The following COL1A2 variants were observed in gnomAD, a reference collection of about 807,000 sequenced individuals.
The protein encoded by COL1A2 is collagen type I alpha 2 chain, also known as collagen alpha-2(I) chain.
A neutral mutation model predicts 174.3 loss-of-function variants in COL1A2; 49 were observed. The observed-to-expected ratio is 0.28, with a 90% CI of 0.22 to 0.36. The LOEUF is 0.36. COL1A2 is among the 10% of genes least tolerant of loss of function. The pLI is 1.00. For missense variants in COL1A2, 1,438 were observed against 1,822.7 expected, an observed-to-expected ratio of 0.79 and a Z score of 3.84; for synonymous variants, 655 against 606.6, an observed-to-expected ratio of 1.08 and a Z score of -1.17.
At chr7:94,424,983 A>G in intron 41 of COL1A2, 134 bp from the exon 42 acceptor site, 1 of 756,990 alleles carries the variant, frequency 1.3e-6, no homozygotes, top group Non-Finnish European at 2.3e-6. Flanking sequence ...ACTTCTTACC[A>G]TTGTGTGACC....
At chr7:94,416,307 C>T (rs1429883542) in intron 30 of COL1A2, 98 bp from the exon 31 acceptor site, 1 of 1,059,332 alleles carries the variant, frequency 9.4e-7, no homozygotes, top group Non-Finnish European at 1.4e-6. Context: ...AAATGCAAAC[C>T]AGGGCTCGGA....
At chr7:94,400,933 A>C (rs1791677115) in intron 5 of COL1A2, among the ~76,000 whole-genome samples, 1 of 152,216 alleles carries the variant, frequency 6.6e-6, no homozygotes, top group African/African-American at 2.4e-5. Context: ...CAAAGATCTT[A>C]TTATGATTGC....
intron 11 of COL1A2, among the ~76,000 whole-genome samples, 156 bp from the exon 12 acceptor site, chr7:94,406,094 A>G (rs1791789055): frequency 6.6e-6 from 1 of 152,238 alleles, no homozygotes; most frequent in Non-Finnish European, 1.5e-5. Context: ...CTAGGGCAAT[A>G]GACTGAGTTT....
rs778065676 is a variant in COL1A2 at position 94,414,274 on chromosome 7, G to C, written c.1718G>C (p.Arg573Thr). The change falls in exon 29 of 52, where the codon AGG (arginine) becomes ACG (threonine). Residue 573 changes from arginine to threonine, a missense_variant and splice_region_variant. Transcript: ENST00000297268. The stretch of plus-strand genomic sequence containing the variant: ...GGTGAAGTTGGCAAACCAGGAGAAA[G>C]GGTGAGTAAAACAAGTAATAGTAAG... ...PAGEVGKPGE[R>T]GLHGEFGLPG... 1.2e-6 allele frequency: 2 copies of C among 1,614,064 alleles called. No individual in the cohort carries two copies. Among genetic ancestry groups the C allele is most frequent in the South Asian group, 1.1e-5 (1 of 91,074 alleles).
Position 94,427,032 on chromosome 7 carries a change from C to T in COL1A2, c.3130C>T (p.Pro1044Ser), listed in dbSNP as rs1403102626. Residue 1044 changes from proline to serine, a missense_variant, in exon 47 of 52, where the codon CCT becomes TCT. Pro to Ser is a moderately conservative substitution (Grantham distance 74, BLOSUM62 -1). Coordinates refer to ENST00000297268, the MANE Select transcript of COL1A2 (RefSeq NM_000089.4). The stretch of plus-strand genomic sequence containing the variant: ...GGGTCACCATGGTGATCAAGGTGCT[C>T]CTGGCTCCGTGGGTCCTGCTGGTCC... ...IAGHHGDQGA[P>S]GSVGPAGPRG... 13 of 1,614,036 alleles carry T rather than the reference C, an allele frequency of 8.1e-6. No individual in the cohort carries two copies. The highest frequency in any genetic ancestry group is 2.2e-5 in the East Asian group (1 of 44,878).
chr7:94,404,432 G>A lies in COL1A2; in HGVS notation c.280-124G>A, dbSNP rs1040085313. ...GTTTGAGTCCTTAAATTCTTCCTTGGGAGGAATAAAAACTATGGAATCAAA... is the reference window on the plus strand; with the variant it reads ...GTTTGAGTCCTTAAATTCTTCCTTGAGAGGAATAAAAACTATGGAATCAAA... On this transcript the variant is annotated intron_variant, in intron 6 of 51. Coordinates refer to ENST00000297268, the MANE Select transcript of COL1A2 (RefSeq NM_000089.4). The A allele has an allele frequency of 1.9e-5, 19 of 1,009,884 alleles. No individual in the cohort carries two copies. In the Admixed American group the frequency reaches 3.3e-4, roughly 18 times the overall value. 62.6% of individuals were successfully genotyped at this position (1,009,884 alleles called of 1,614,324 possible).
In COL1A2 at chr7:94,413,122, C is replaced by G. The variant is rs775604516; in HGVS notation, c.1543C>G (p.Leu515Val). ...GKNGDKGHAG[L>V]AGARGAPGPD... ...AAACGGTGATAAAGGTCATGCTGGT[C>G]TTGCTGGTGCTCGGGTAGGTGCTAA... Residue 515 changes from leucine (L) to valine (V), a missense_variant, in exon 26 of 52, where the codon CTT becomes GTT. Physicochemically the swap from Leu to Val is conservative, Grantham distance 32 (BLOSUM62 1). Coordinates refer to ENST00000297268, the MANE Select transcript of COL1A2 (RefSeq NM_000089.4). The G allele has an allele frequency of 6.2e-7, 1 of 1,614,020 alleles. No homozygotes were observed. Among genetic ancestry groups the G allele is most frequent in the Non-Finnish European group, 8.5e-7 (1 of 1,180,022 alleles).
chr7:94,410,737 C>A, intron 21 of COL1A2, 152 bp from the exon 22 acceptor site: 1 of 939,328 alleles, frequency 1.1e-6, no homozygotes, highest in Non-Finnish European at 1.7e-6. Context: ...GGATGCTCAT[C>A]TATGAATTCC....
intron 10 of COL1A2, 23 bp downstream of exon 10, chr7:94,405,275 A>T: frequency 5.6e-6 from 9 of 1,611,522 alleles, no homozygotes; most frequent in Non-Finnish European, 6.8e-6. Flanking sequence ...ACATTGGTAG[A>T]TAGCACAAAC....
In COL1A2 at chr7:94,426,071, T is replaced by A; in HGVS notation, c.2997+20T>A. On this transcript the variant is annotated intron_variant, in intron 45 of 51. Coordinates refer to ENST00000297268, the MANE Select transcript of COL1A2 (RefSeq NM_000089.4). Reference sequence around the variant, plus strand: ...CCTAGTGTATGTACATGCTGAAGATTTCTTTGCAACACTAACATTTAGAGA... The same window carrying A: ...CCTAGTGTATGTACATGCTGAAGATATCTTTGCAACACTAACATTTAGAGA... The A allele has an allele frequency of 6.2e-7, 1 of 1,608,350 alleles. No individual in the cohort carries two copies. Among genetic ancestry groups the A allele is most frequent in the South Asian group, 1.1e-5 (1 of 90,960 alleles).
intron 4 of COL1A2, among the ~76,000 whole-genome samples, chr7:94,399,708 C>A (rs1791649012): frequency 6.6e-6 from 1 of 152,088 alleles, no homozygotes; most frequent in Non-Finnish European, 1.5e-5. Flanking sequence ...ATTATTTTAA[C>A]AATACAAGTA....
chr7:94,404,719 T>A lies in COL1A2; in HGVS notation c.351T>A (p.Ala117=), dbSNP rs763417626. 6.2e-6 allele frequency: 10 copies of A among 1,614,080 alleles called. No individual in the cohort carries two copies. The South Asian group carries it at 1.1e-4, about 18-fold the overall frequency. Residue 117 remains alanine (A), a synonymous_variant, in exon 8 of 52, where the codon GCT becomes GCA. Coordinates refer to ENST00000297268, the MANE Select transcript of COL1A2 (RefSeq NM_000089.4). ...GCCCTCAAGGTTTCCAAGGACCTGC[T>A]GGTGAGCCTGGTGAACCTGGTCAAA... ...APGPQGFQGP[A]GEPGEPGQTG...
chr7:94,405,203 A>G lies in COL1A2; in HGVS notation c.437A>G (p.His146Arg). ...GPPGKAGEDG[H>R]PGKPGRPGER... ...CTACAATGTTTTCATGTTTAGGGTC[A>G]CCCTGGAAAACCCGGACGACCTGGT... is the stretch of plus-strand genomic sequence containing the variant. Residue 146 changes from histidine (H) to arginine (R), a missense_variant, in exon 10 of 52, where the codon CAC becomes CGC. Around this residue, in one of 3 missense-constraint regions of COL1A2, gnomAD observed 281 missense variants for 310.9 expected, o/e 0.90. Coordinates refer to ENST00000297268, the MANE Select transcript of COL1A2 (RefSeq NM_000089.4). The G allele has an allele frequency of 6.2e-7, 1 of 1,613,950 alleles. No individual in the cohort carries two copies. The highest frequency in any genetic ancestry group is 1.3e-5 in the African/African-American group (1 of 75,036).
At chr7:94,422,626 G>A (rs965863537) in intron 39 of COL1A2, 2 of 247,032 alleles carry the variant, frequency 8.1e-6, no homozygotes, top group South Asian at 1.4e-4. Context: ...GAAACTCAGA[G>A]TCCCATTCAT....
At chr7:94,408,523 G>A in intron 15 of COL1A2, 143 bp downstream of exon 15, 2 of 1,130,728 alleles carry the variant, frequency 1.8e-6, no homozygotes, top group South Asian at 2.6e-5. Flanking sequence ...CCATTTATAA[G>A]TAGTGTAAGC....
rs746199220 is a variant in COL1A2 at position 94,429,295 on chromosome 7, G to A, written c.3819G>A (p.Lys1273=). The A allele has an allele frequency of 1.2e-6, 2 of 1,614,040 alleles. No homozygotes were observed. The highest frequency in any genetic ancestry group is 2.2e-5 in the South Asian group (2 of 91,074). The part of the protein sequence containing the change: ...YASQNITYHC[K]NSIAYMDEET... ...CTCAGAACATCACCTACCACTGCAA[G>A]AACAGCATTGCATACATGGATGAGG... Residue 1273 remains lysine, a synonymous_variant, in exon 51 of 52, where the codon AAG becomes AAA. Coordinates refer to ENST00000297268, the MANE Select transcript of COL1A2 (RefSeq NM_000089.4).
At chr7:94,407,928 T>A in intron 13 of COL1A2, 37 bp downstream of exon 13, 1 of 1,567,570 alleles carries the variant, frequency 6.4e-7, no homozygotes, top group Non-Finnish European at 8.8e-7. Context: ...TTTAAATGTG[T>A]ACACTCTTTA....
In COL1A2 at chr7:94,430,402, A is replaced by G; in HGVS notation, c.*9A>G. 1 of 1,611,944 alleles carries G rather than the reference A, an allele frequency of 6.2e-7. No individual in the cohort carries two copies. The highest frequency in any genetic ancestry group is 8.5e-7 in the Non-Finnish European group (1 of 1,179,458). On this transcript the variant is annotated 3_prime_UTR_variant, in exon 52 of 52. Coordinates refer to ENST00000297268, the MANE Select transcript of COL1A2 (RefSeq NM_000089.4). The stretch of plus-strand genomic sequence containing the variant: ...CAGTCTGTTTCAAATAAATGAACTC[A>G]ATCTAAATTAAAAAAGAAAGAAATT...
intron 9 of COL1A2, 43 bp from the exon 10 acceptor site, chr7:94,405,156 G>C: frequency 1.2e-6 from 2 of 1,606,886 alleles, no homozygotes; most frequent in East Asian, 2.2e-5. Flanking sequence ...TTGTCTGATA[G>C]TTTACCAAGA....
Sources: gnomAD v4.1 joint callset for allele counts (sites outside exome capture counted in the v4.1 genomes callset) on GRCh38, gnomAD v4.1.1 for gene constraint, gnomAD v4.1.1 regional missense constraint, MANE v1.5 for transcripts, NCBI Gene and HGNC (gene_info 2026-07-23, HGNC 2026-07-21) for gene names.